The following CDS2 variants were observed in gnomAD, a reference collection of about 807,000 sequenced individuals.
CDS2 encodes the protein CDP-diacylglycerol synthase 2, also known as phosphatidate cytidylyltransferase 2.
In CDS2, 47 loss-of-function variants were observed where a neutral mutation model predicts 59.0. The ratio of observed to expected loss-of-function variants is 0.80; its 90% confidence interval spans 0.63 to 1.02. The LOEUF (loss-of-function observed/expected upper bound fraction) is 1.02. Ranked by LOEUF, CDS2 falls within the 50% of genes least tolerant of loss-of-function variation. The pLI is 0.00. For synonymous variants in CDS2, 207 were observed against 206.4 expected (o/e 1.00, Z -0.02); for missense variants, 356 against 558.9 (o/e 0.64, Z 3.66).
At chr20:5,188,189 T>C (rs979410760) in intron 10 of CDS2, among the ~76,000 whole-genome samples, 3 of 152,188 alleles carry the variant, frequency 2.0e-5, no homozygotes, top group African/African-American at 7.2e-5. Context: ...AAATGGCTGA[T>C]GCATGGTGTT....
Position 5,178,838 on chromosome 20 carries a change from C to G in CDS2, c.411C>G (p.Asn137Lys). The change falls in exon 5 of 13, where the codon AAC becomes AAG. Residue 137 changes from asparagine to lysine, a missense_variant. Physicochemically the swap from Asn to Lys is moderately conservative, Grantham distance 94. Around this residue, in one of 5 missense-constraint regions of CDS2, gnomAD observed 87 missense variants for 193.3 expected, o/e 0.45. Coordinates refer to ENST00000460006, the MANE Select transcript of CDS2 (RefSeq NM_003818.4). ...TLSWYFLLCVNYFFYGETVTD... is the reference protein window; with the variant it reads ...TLSWYFLLCVKYFFYGETVTD... Reference sequence around the variant, plus strand: ...ACAGGTACTTTCTCCTGTGTGTAAACTATTTCTTCTATGGTGAGACAGTGA... The same window carrying G: ...ACAGGTACTTTCTCCTGTGTGTAAAGTATTTCTTCTATGGTGAGACAGTGA... The G allele has an allele frequency of 6.2e-7, 1 of 1,614,194 alleles. No individual in the cohort carries two copies. The highest frequency in any genetic ancestry group is 8.5e-7 in the Non-Finnish European group (1 of 1,180,038).
chr20:5,146,816 A>T (rs952561511), intron 1 of CDS2, among the ~76,000 whole-genome samples: 1 of 152,224 alleles, frequency 6.6e-6, no homozygotes, highest in Non-Finnish European at 1.5e-5. Context: ...ACTTAAAAGA[A>T]GTCTGGAGGT....
rs530054620 is a variant in CDS2, at chr20:5,191,452, C to T, written c.*1218C>T. ...TCCCTAATTTCAGGGGTGAGATTGA[C>T]TTTGGGAAGACAGATTAGTTCTTTG... is the stretch of plus-strand genomic sequence containing the variant. On this transcript the variant is annotated 3_prime_UTR_variant, in exon 13 of 13. Coordinates refer to ENST00000460006, the MANE Select transcript of CDS2 (RefSeq NM_003818.4). The T allele has an allele frequency of 2.6e-5, 4 of 152,192 alleles. No homozygotes were observed. The highest frequency in any genetic ancestry group is 2.0e-4 in the Admixed American group (3 of 15,290). 9.4% of individuals were successfully genotyped at this position (152,192 alleles called of 1,614,324 possible). A position where few individuals can be genotyped will look rare whatever the true frequency, so the allele number is the denominator to read the frequency against.
At chr20:5,182,943 CA>C (rs2123057932) in intron 6 of CDS2, 117 bp from the exon 7 acceptor site, 2 of 775,312 alleles carry the variant, frequency 2.6e-6, no homozygotes, top group African/African-American at 3.5e-5. Context: ...AAGTCAGATA[CA>C]AAAGCAGATA....
chr20:5,175,785 CAAAA>C (rs991043797), intron 3 of CDS2: 9 of 158,234 alleles, frequency 5.7e-5, no homozygotes, highest in African/African-American at 2.2e-4. Flanking sequence ...GACTCCATCT[CAAAA>C]CAAACAAACA....
chr20:5,179,586 G>T (rs2091018786), intron 5 of CDS2, among the ~76,000 whole-genome samples: 1 of 152,330 alleles, frequency 6.6e-6, no homozygotes, highest in South Asian at 2.1e-4. Context: ...AATCATCTAG[G>T]AACTTACCAT....
intron 1 of CDS2, among the ~76,000 whole-genome samples, chr20:5,157,597 G>T (rs1054952362): frequency 1.3e-5 from 2 of 152,142 alleles, no homozygotes; most frequent in African/African-American, 4.8e-5. Flanking sequence ...CATTGTTTTG[G>T]GGTCTGGGAA....
chr20:5,190,197 A>G lies in CDS2; in HGVS notation c.1301A>G (p.Asp434Gly). The G allele has an allele frequency of 6.2e-7, 1 of 1,614,116 alleles. No individual in the cohort carries two copies. Among genetic ancestry groups the G allele is most frequent in the Non-Finnish European group, 8.5e-7 (1 of 1,179,978 alleles). ...IFNTLRSHLI[D>G]KGMLTSTTED... Reference sequence around the variant, plus strand: ...AACACGCTGCGGTCTCATCTGATCGACAAAGGGATGCTGACATCCACCACA... The same window carrying G: ...AACACGCTGCGGTCTCATCTGATCGGCAAAGGGATGCTGACATCCACCACA... Residue 434 changes from aspartate to glycine, a missense_variant, in exon 13 of 13, where the codon GAC (aspartate) becomes GGC (glycine). Asp to Gly is a moderately conservative substitution (Grantham distance 94, BLOSUM62 -1). Transcript: ENST00000460006.
At chr20:5,174,586 G>T (rs1260811001) in intron 2 of CDS2, among the ~76,000 whole-genome samples, 1 of 152,076 alleles carries the variant, frequency 6.6e-6, no homozygotes, top group African/African-American at 2.4e-5. Flanking sequence ...TTAGCTGGGT[G>T]TGGTGGCAGG....
intron 1 of CDS2, chr20:5,128,107 C>G (rs2090571183): frequency 1.3e-5 from 2 of 152,198 alleles, no homozygotes; most frequent in Non-Finnish European, 2.9e-5. Flanking sequence ...CCTTAAAAAT[C>G]AGAAAGTTTC....
At chr20:5,155,725 C>T (rs2090828570) in intron 1 of CDS2, among the ~76,000 whole-genome samples, 1 of 152,218 alleles carries the variant, frequency 6.6e-6, no homozygotes, top group African/African-American at 2.4e-5. Flanking sequence ...TAATACTCTT[C>T]TTGCCATGTA....
intron 1 of CDS2, among the ~76,000 whole-genome samples, chr20:5,134,390 A>T (rs6107581): frequency 6.6e-6 from 1 of 152,092 alleles, no homozygotes; most frequent in Admixed American, 6.5e-5. Context: ...TGGTGTTATC[A>T]GTGTTCATAA....
chr20:5,185,990 AGCTTTCAG>A (rs1289939218), intron 9 of CDS2, among the ~76,000 whole-genome samples, 164 bp downstream of exon 9: 1 of 152,268 alleles, frequency 6.6e-6, no homozygotes, highest in Non-Finnish European at 1.5e-5. Context: ...GCCATCCACC[AGCTTTCAG>A]GCAGGGTGCT....
rs2091168301 is a variant in CDS2, at chr20:5,197,597, C to T, written c.*7363C>T. The T allele has an allele frequency of 6.6e-6, 1 of 151,924 alleles. No homozygotes were observed. Among genetic ancestry groups the T allele is most frequent in the African/African-American group, 2.4e-5 (1 of 41,342 alleles). 9.4% of individuals were successfully genotyped at this position (151,924 alleles called of 1,614,324 possible). The stretch of plus-strand genomic sequence containing the variant: ...GATATTCACTTTACCCGCACTCAGA[C>T]ACAGGCGACCTTGAAGCAGTTCTCG... On this transcript the variant is annotated 3_prime_UTR_variant, in exon 13 of 13. Transcript: ENST00000460006.
chr20:5,188,952 G>T, intron 10 of CDS2, 115 bp from the exon 11 acceptor site: 1 of 1,322,628 alleles, frequency 7.6e-7, no homozygotes, highest in Non-Finnish European at 1.1e-6. Flanking sequence ...CTCCCACTAG[G>T]CATCACCTCC....
At chr20:5,178,773 A>G (rs1206375760) in intron 4 of CDS2, 44 bp from the exon 5 acceptor site, 1 of 1,608,846 alleles carries the variant, frequency 6.2e-7, no homozygotes, top group South Asian at 1.1e-5. Context: ...CTTGCTGTGA[A>G]GGCAAGGGTG....
chr20:5,137,138 C>G (rs947679037), intron 1 of CDS2, among the ~76,000 whole-genome samples: 4 of 151,788 alleles, frequency 2.6e-5, no homozygotes, highest in Non-Finnish European at 4.4e-5. Context: ...GTAGCCTTCT[C>G]TCTTAACTGG....
At chr20:5,177,669 G>A (rs547749565) in intron 4 of CDS2, among the ~76,000 whole-genome samples, 5 of 152,106 alleles carry the variant, frequency 3.3e-5, no homozygotes, top group Admixed American at 1.3e-4. Flanking sequence ...TGACTTAGCC[G>A]GCTGGAGAGC....
In CDS2 at chr20:5,173,600, A is replaced by T; in HGVS notation, c.135A>T (p.Pro45=). 1 of 1,614,240 alleles carries T rather than the reference A, an allele frequency of 6.2e-7. No homozygotes were observed. Among genetic ancestry groups the T allele is most frequent in the Non-Finnish European group, 8.5e-7 (1 of 1,180,018 alleles). ...GCCGGGCAGAATCCGCACCCCTGCC[A>T]GTCTCTGCAGATGATACCCCGGAGG... The part of the protein sequence containing the change: ...SESRAESAPL[P]VSADDTPEVL... Residue 45 remains proline (P), a synonymous_variant, in exon 2 of 13, where the codon CCA becomes CCT. Coordinates refer to ENST00000460006, the MANE Select transcript of CDS2 (RefSeq NM_003818.4).
Sources: gnomAD v4.1 joint callset for allele counts (sites outside exome capture counted in the v4.1 genomes callset) on GRCh38, gnomAD v4.1.1 for gene constraint, gnomAD v4.1.1 regional missense constraint, MANE v1.5 for transcripts, NCBI Gene and HGNC (gene_info 2026-07-23, HGNC 2026-07-21) for gene names.